Variants in WDFY3 observed in about 807,000 individuals in gnomAD.
WDFY3 encodes the protein WD repeat and FYVE domain-containing protein 3.
A neutral mutation model predicts 409.6 loss-of-function variants in WDFY3; 66 were observed. That is an observed-to-expected ratio of 0.16 (90% CI 0.13 to 0.20). The LOEUF is 0.20. Among genes scored for constraint, WDFY3 ranks in the 10% least tolerant of loss-of-function variants. The pLI is 1.00. For missense variants in WDFY3, 3,031 were observed against 4,298.1 expected, an observed-to-expected ratio of 0.71 and a Z score of 8.24; for synonymous variants, 1,521 against 1,537.1, an observed-to-expected ratio of 0.99 and a Z score of 0.25.
At chr4:84,734,980 A>C in intron 43 of WDFY3, 63 bp downstream of exon 43, 1 of 1,388,658 alleles carries the variant, frequency 7.2e-7, no homozygotes, top group Non-Finnish European at 1.0e-6. Context: ...TACCAGGACA[A>C]ACAGAGACCT....
intron 3 of WDFY3, among the ~76,000 whole-genome samples, chr4:84,880,598 T>G (rs1763351563): frequency 7.2e-6 from 1 of 139,624 alleles, no homozygotes; most frequent in Non-Finnish European, 1.5e-5. Context: ...ACGTATAAAG[T>G]AACATCCATA....
At chr4:84,692,755 T>G in intron 59 of WDFY3, 130 bp downstream of exon 59, 1 of 854,496 alleles carries the variant, frequency 1.2e-6, no homozygotes, top group Non-Finnish European at 1.7e-6. Context: ...TTTAGTAATC[T>G]AACACAAAAT....
At chr4:84,834,474 T>G (rs1456414559) in intron 7 of WDFY3, among the ~76,000 whole-genome samples, 2 of 150,146 alleles carry the variant, frequency 1.3e-5, no homozygotes, top group Non-Finnish European at 3.0e-5. Context: ...TGGTGAAACC[T>G]CATCTCTACT....
intron 3 of WDFY3, among the ~76,000 whole-genome samples, chr4:84,880,883 A>T (rs1560991943): frequency 6.7e-6 from 1 of 148,542 alleles, no homozygotes; most frequent in Non-Finnish European, 1.5e-5. Context: ...ATGCCCAGCT[A>T]ATTTATTTAT....
intron 1 of WDFY3, among the ~76,000 whole-genome samples, chr4:84,943,678 T>A (rs1772434470): frequency 6.6e-6 from 1 of 151,932 alleles, no homozygotes; most frequent in African/African-American, 2.4e-5. Context: ...GGTTCAAAGA[T>A]CAACTGTACT....
chr4:84,736,393 A>C, intron 41 of WDFY3, 66 bp from the exon 42 acceptor site: 1 of 1,443,020 alleles, frequency 6.9e-7, no homozygotes, highest in Non-Finnish European at 9.2e-7. Context: ...TACTTTAAAA[A>C]CTTATCTGGT....
chr4:84,759,810 A>G (rs1286170490), intron 32 of WDFY3, among the ~76,000 whole-genome samples: 15 of 151,444 alleles, frequency 9.9e-5, no homozygotes, highest in Non-Finnish European at 1.3e-4. Flanking sequence ...TCTCCTGCCT[A>G]ATTGCCCTGG....
Position 84,751,610 on chromosome 4 carries a change from G to C in WDFY3, c.5846C>G (p.Thr1949Ser). 1 of 1,614,072 alleles carries C rather than the reference G, an allele frequency of 6.2e-7. No homozygotes were observed. Among genetic ancestry groups the C allele is most frequent in the Non-Finnish European group, 8.5e-7 (1 of 1,180,014 alleles). ...RSQSEYCNVG[T>S]KTYLTNHPAK... ...CGGGTGATTGGTCAGATATGTCTTG[G>C]TGCCCACATTGCAGTACTCTGATTG... The change falls in exon 36 of 68, where the codon ACC (threonine) becomes AGC (serine). Residue 1949 changes from threonine (T) to serine (S), a missense_variant. Thr to Ser is a moderately conservative substitution (Grantham distance 58). This residue lies in a region of WDFY3 where 314 missense variants were observed against 397.4 expected (regional missense o/e 0.79). Coordinates refer to ENST00000295888, the MANE Select transcript of WDFY3 (RefSeq NM_014991.6).
intron 46 of WDFY3, 29 bp from the exon 47 acceptor site, chr4:84,721,601 T>C (rs1271667094): frequency 1.3e-6 from 2 of 1,599,242 alleles, no homozygotes; most frequent in African/African-American, 2.7e-5. Flanking sequence ...GAGGGCCATG[T>C]GGCATTGTAA....
intron 3 of WDFY3, among the ~76,000 whole-genome samples, chr4:84,861,268 C>T (rs1760593456): frequency 6.6e-6 from 1 of 151,946 alleles, no homozygotes; most frequent in Non-Finnish European, 1.5e-5. Context: ...TAATGGATTT[C>T]TTAATGGTTA....
chr4:84,705,873 C>T (rs936239085), intron 53 of WDFY3, among the ~76,000 whole-genome samples: 1 of 152,176 alleles, frequency 6.6e-6, no homozygotes, highest in Non-Finnish European at 1.5e-5. Context: ...TCCAATTCAT[C>T]GTTAACTTCA....
rs375449995 is a variant in WDFY3 at position 84,690,432 on chromosome 4, T to G, written c.9363+74A>C. 92 of 1,600,846 alleles carry G rather than the reference T, an allele frequency of 5.7e-5. 2 individuals carry two copies. In the South Asian group the frequency reaches 9.8e-4, roughly 17 times the overall value. ...TGAAGTACCTCAGAATTAAGGAAGC[T>G]TTTTACTTCCTACAGGGTGTAGGCA... On this transcript the variant is annotated intron_variant, in intron 61 of 67. Transcript: ENST00000295888.
At chr4:84,860,994 C>T (rs898540797) in intron 3 of WDFY3, among the ~76,000 whole-genome samples, 8 of 152,052 alleles carry the variant, frequency 5.3e-5, no homozygotes, top group African/African-American at 1.7e-4. Flanking sequence ...GTGAATGGCT[C>T]GAGCTCAGGA....
Position 84,780,108 on chromosome 4 carries a change from C to A in WDFY3, c.4365G>T (p.Gln1455His). The change falls in exon 26 of 68, where the codon CAG (glutamine) becomes CAT (histidine). Residue 1455 changes from glutamine (Q) to histidine (H), a missense_variant and splice_region_variant. Gln to His is a conservative substitution (Grantham distance 24). This residue lies in a region of WDFY3 where 55 missense variants were observed against 124.1 expected (regional missense o/e 0.44). Transcript: ENST00000295888. Reference protein sequence around the residue: ...SKEMERIKGYQLLAMLLKKKR... With the variant: ...SKEMERIKGYHLLAMLLKKKR... Reference sequence around the variant, plus strand: ...AAGGCAAAGTTTTACAGTTACAAACCTGGTAGCCCTTGATTCTTTCCATTT... The same window carrying A: ...AAGGCAAAGTTTTACAGTTACAAACATGGTAGCCCTTGATTCTTTCCATTT... The A allele has an allele frequency of 6.3e-7, 1 of 1,586,636 alleles. No individual in the cohort carries two copies. The highest frequency in any genetic ancestry group is 1.2e-5 in the South Asian group (1 of 85,466).
intron 61 of WDFY3, among the ~76,000 whole-genome samples, chr4:84,688,719 TA>T (rs202199476): frequency 0.065 from 9,930 of 151,990 alleles, 443 homozygotes; most frequent in Admixed American, 0.12. Flanking sequence ...AATTTTTTTT[TA>T]AAAAAATGCA....
Position 84,738,255 on chromosome 4 carries a change from C to T in WDFY3, c.6574+755G>A, listed in dbSNP as rs1737798996. 3.3e-5 allele frequency among the ~76,000 whole-genome samples: 5 copies of T among 151,810 alleles called. 1 individual carries two copies. The highest frequency in any genetic ancestry group is 3.3e-4 in the Admixed American group (5 of 15,238). On this transcript the variant is annotated intron_variant, in intron 40 of 67. Transcript: ENST00000295888. The stretch of plus-strand genomic sequence containing the variant: ...AATAAGAAATCAATCCATACAAAGA[C>T]TTCAATATGCAATCCTTACAGGATT...
chr4:84,735,980 A>G (rs372815269), intron 42 of WDFY3, among the ~76,000 whole-genome samples, 190 bp downstream of exon 42: 3 of 152,184 alleles, frequency 2.0e-5, no homozygotes, highest in African/African-American at 4.8e-5. Context: ...TAAAATGGGT[A>G]TAAGTAAATA....
chr4:84,710,400 A>G (rs1732686022), intron 51 of WDFY3, among the ~76,000 whole-genome samples: 1 of 152,190 alleles, frequency 6.6e-6, no homozygotes, highest in Non-Finnish European at 1.5e-5. Flanking sequence ...CTTCCTTAAA[A>G]TGTTATAAAA....
chr4:84,903,958 T>A (rs1766673835), intron 2 of WDFY3, among the ~76,000 whole-genome samples: 1 of 152,158 alleles, frequency 6.6e-6, no homozygotes, highest in Non-Finnish European at 1.5e-5. Context: ...AATATTTGTG[T>A]TCCCCCACCT....
Sources: gnomAD v4.1 joint callset for allele counts (sites outside exome capture counted in the v4.1 genomes callset) on GRCh38, gnomAD v4.1.1 for gene constraint, gnomAD v4.1.1 regional missense constraint, MANE v1.5 for transcripts, NCBI Gene and HGNC (gene_info 2026-07-23, HGNC 2026-07-21) for gene names.